RTN4RL1: variants seen among roughly 807,000 people sequenced by gnomAD.
RTN4RL1 encodes the protein reticulon 4 receptor like 1, also known as reticulon-4 receptor-like 1.
Under a neutral mutation model 25.6 loss-of-function variants are expected in RTN4RL1, and 7 were observed. The ratio of observed to expected loss-of-function variants is 0.27; its 90% CI spans 0.16 to 0.51. RTN4RL1 has a LOEUF of 0.51. Ranked by LOEUF, RTN4RL1 falls within the 20% of genes least tolerant of loss-of-function variation. The pLI is 0.97. For missense variants in RTN4RL1, 500 were observed against 615.6 expected (o/e 0.81, Z 1.99); for synonymous variants, 297 against 288.2 (o/e 1.03, Z -0.31).
At position 1,937,742 on chromosome 17, in the gene RTN4RL1, C is replaced by A; in HGVS notation, c.80G>T (p.Arg27Leu). Residue 27 changes from arginine (R) to leucine (L), a missense_variant, in exon 2 of 2, where the codon CGG (arginine) becomes CTG (leucine). Arg to Leu is a moderately radical substitution (Grantham distance 102). This residue lies in a region of RTN4RL1 where 232 missense variants were observed against 341.1 expected (regional missense o/e 0.68). Coordinates refer to ENST00000331238, the MANE Select transcript of RTN4RL1 (RefSeq NM_178568.4). ...AELPLGGGCPRDCVCYPAPMT... is the reference protein window; with the variant it reads ...AELPLGGGCPLDCVCYPAPMT... ...GGGCGCCGGGTAGCACACACAGTCC[C>A]GTGGGCAGCCACCACCCAGGGGCAG... 6.2e-7 allele frequency: 1 copy of A among 1,608,156 alleles called. No homozygotes were observed.
chr17:1,974,883 T>A (rs1429611724), intron 1 of RTN4RL1, among the ~76,000 whole-genome samples: 1 of 152,214 alleles, frequency 6.6e-6, no homozygotes, highest in East Asian at 1.9e-4. Flanking sequence ...TGGTGCCTGA[T>A]GGAAGGGCAA....
intron 1 of RTN4RL1, among the ~76,000 whole-genome samples, chr17:1,958,824 A>G (rs775857693): frequency 2.6e-5 from 4 of 152,392 alleles, no homozygotes; most frequent in East Asian, 1.9e-4. Context: ...TTTCCCCCCA[A>G]TAATGAGTTG....
rs1291654586 is a variant in RTN4RL1, at chr17:1,999,195, C to T, written c.13+25658G>A. On this transcript the variant is annotated intron_variant, in intron 1 of 1. Transcript: ENST00000331238. Reference sequence around the variant, plus strand: ...GGGCGCGGTGGCTCACGGCTGTAATCTCAGCACTTTGGGAGGCGGAGGCGG... The same window carrying T: ...GGGCGCGGTGGCTCACGGCTGTAATTTCAGCACTTTGGGAGGCGGAGGCGG... 1.0e-4 allele frequency among the ~76,000 whole-genome samples: 15 copies of T among 150,310 alleles called. No individual in the cohort carries two copies. In the East Asian group the frequency reaches 1.6e-3, roughly 16 times the overall value.
chr17:1,970,019 CTT>C (rs59804703), intron 1 of RTN4RL1, among the ~76,000 whole-genome samples: 768 of 72,114 alleles, frequency 0.011, 6 homozygotes, highest in African/African-American at 0.034. Context: ...CTCTCTCTCT[CTT>C]TTTTTTTTTT....
chr17:1,935,834 A>G lies in RTN4RL1; in HGVS notation c.*662T>C. Reference sequence around the variant, plus strand: ...GTGAGAACCTCATTGCCCGGGATGAAGTTCTAGATTTCAGCCTCTGATGAT... The same window carrying G: ...GTGAGAACCTCATTGCCCGGGATGAGGTTCTAGATTTCAGCCTCTGATGAT... On this transcript the variant is annotated 3_prime_UTR_variant, in exon 2 of 2. Transcript: ENST00000331238. 1.0e-6 allele frequency: 1 copy of G among 983,744 alleles called. No homozygotes were observed. The highest frequency in any genetic ancestry group is 1.2e-6 in the Non-Finnish European group (1 of 829,426). 60.9% of individuals were successfully genotyped at this position (983,744 alleles called of 1,614,324 possible). A position where few individuals can be genotyped will look rare whatever the true frequency, so the allele number is the denominator to read the frequency against.
chr17:2,004,458 C>T (rs115990285), intron 1 of RTN4RL1, among the ~76,000 whole-genome samples: 2,345 of 150,274 alleles, frequency 0.016, 62 homozygotes, highest in African/African-American at 0.055. Flanking sequence ...TGGGCTGAGG[C>T]GGGGCTTTCT....
chr17:1,979,814 C>T (rs2066859383), intron 1 of RTN4RL1, among the ~76,000 whole-genome samples: 1 of 152,196 alleles, frequency 6.6e-6, no homozygotes, highest in Non-Finnish European at 1.5e-5. Context: ...CACCCCTTCC[C>T]TCCTCCTCCC....
intron 1 of RTN4RL1, among the ~76,000 whole-genome samples, chr17:1,952,204 C>T (rs976169923): frequency 2.6e-5 from 4 of 152,112 alleles, no homozygotes; most frequent in African/African-American, 9.7e-5. Flanking sequence ...TGCACGAATA[C>T]CCCCAGGGGA....
intron 1 of RTN4RL1, among the ~76,000 whole-genome samples, chr17:1,965,244 G>A (rs2066785452): frequency 6.6e-6 from 1 of 151,338 alleles, no homozygotes; most frequent in Admixed American, 6.6e-5. Context: ...CAAGTAGCTG[G>A]GATTACAGGC....
rs1199800734 is a variant in RTN4RL1, at chr17:2,025,326, C to T, written c.-461G>A. The T allele has an allele frequency of 6.5e-6, 1 of 153,560 alleles. No homozygotes were observed. The highest frequency in any genetic ancestry group is 1.4e-5 in the Non-Finnish European group (1 of 69,104). The allele number at this position is 153,560 out of a possible 1,614,324, so 9.5% of individuals were successfully genotyped here. On this transcript the variant is annotated 5_prime_UTR_variant, in exon 1 of 2. Coordinates refer to ENST00000331238, the MANE Select transcript of RTN4RL1 (RefSeq NM_178568.4). This position sits in a 1 kb window ranked among gnomAD's most constrained non-coding sequence, Gnocchi z 4.8. ...AGCGCCCGGCGCGCGTTTGCAGGAC[C>T]GAGCGATCGGCGGAGCGGGGCGCCT...
intron 1 of RTN4RL1, among the ~76,000 whole-genome samples, chr17:1,938,228 G>A (rs538568267): frequency 2.0e-5 from 3 of 152,310 alleles, no homozygotes; most frequent in African/African-American, 4.8e-5. Flanking sequence ...TATTGGGAAG[G>A]ACTCTTGCTC....
chr17:1,971,961 C>CAAAAAAAAAAAAAAAAA (rs1323277246), intron 1 of RTN4RL1, among the ~76,000 whole-genome samples: 9 of 59,854 alleles, frequency 1.5e-4, no homozygotes, highest in African/African-American at 2.7e-4. Context: ...GACTCCCTCT[C>CAAAAAAAAAAAAAAAAA]AAAAAAAAAA....
chr17:2,023,833 G>C (rs557131662), intron 1 of RTN4RL1, among the ~76,000 whole-genome samples: 1 of 152,284 alleles, frequency 6.6e-6, no homozygotes, highest in South Asian at 2.1e-4. Flanking sequence ...CAGGCCCCTC[G>C]GCTACCTGAG....
chr17:1,977,872 G>A (rs2066849633), intron 1 of RTN4RL1, among the ~76,000 whole-genome samples: 2 of 151,864 alleles, frequency 1.3e-5, no homozygotes, highest in Admixed American at 1.3e-4. Flanking sequence ...GGGGTCGGGG[G>A]CGCATCCTGC....
intron 1 of RTN4RL1, among the ~76,000 whole-genome samples, chr17:1,978,501 G>A (rs2151315571): frequency 6.6e-6 from 1 of 152,384 alleles, no homozygotes; most frequent in South Asian, 2.1e-4. Flanking sequence ...TCTGCAGCCG[G>A]CCTCCCAGCA....
intron 1 of RTN4RL1, 75 bp downstream of exon 1, chr17:2,024,778 G>T: frequency 6.8e-7 from 1 of 1,473,838 alleles, no homozygotes; most frequent in Non-Finnish European, 9.1e-7. Context: ...GAGCCCCGGC[G>T]CCGGGCGGCG....
rs2066869674 is a variant in RTN4RL1 at position 1,982,120 on chromosome 17, T to C, written c.13+42733A>G. Among the ~76,000 whole-genome samples, 3 of 149,232 alleles carry C rather than the reference T, an allele frequency of 2.0e-5. No individual in the cohort carries two copies. In the South Asian group the frequency reaches 6.3e-4, roughly 31 times the overall value. On this transcript the variant is annotated intron_variant, in intron 1 of 1. Coordinates refer to ENST00000331238, the MANE Select transcript of RTN4RL1 (RefSeq NM_178568.4). Reference sequence around the variant, plus strand: ...TTCCAGACCAGCATGGCCAGCATGGTGAAAACCCATCTCTGCTAAAAACTA... The same window carrying C: ...TTCCAGACCAGCATGGCCAGCATGGCGAAAACCCATCTCTGCTAAAAACTA...
At chr17:1,995,895 C>A (rs954860866) in intron 1 of RTN4RL1, among the ~76,000 whole-genome samples, 9 of 152,238 alleles carry the variant, frequency 5.9e-5, no homozygotes, top group Non-Finnish European at 1.0e-4. Context: ...GCTGCAGAGC[C>A]AGCGTCTCCC....
chr17:1,994,122 T>C lies in RTN4RL1; in HGVS notation c.13+30731A>G, dbSNP rs1362810161. ...GCCGCTCCGGGTCCCAATCTGTGGA[T>C]TGCTTTCCCCAGTCTCTGGAGTAAG... is the stretch of plus-strand genomic sequence containing the variant. On this transcript the variant is annotated intron_variant, in intron 1 of 1. Transcript: ENST00000331238. The surrounding 1 kb of genome is among the most constrained non-coding windows in gnomAD (Gnocchi z 4.3). Among the ~76,000 whole-genome samples, 1 of 152,060 alleles carries C rather than the reference T, an allele frequency of 6.6e-6. No individual in the cohort carries two copies. Among genetic ancestry groups the C allele is most frequent in the African/African-American group, 2.4e-5 (1 of 41,384 alleles).
Sources: allele counts gnomAD v4.1 joint callset (sites outside exome capture counted in the v4.1 genomes callset), GRCh38; gene constraint gnomAD v4.1.1; regional missense constraint gnomAD v4.1.1; non-coding constraint Gnocchi (gnomAD v3.1); transcripts MANE v1.5; gene names NCBI Gene and HGNC (gene_info 2026-07-23, HGNC 2026-07-21).